The following KCNIP3 variants were observed in gnomAD, a reference collection of about 807,000 sequenced individuals.
The protein encoded by KCNIP3 is potassium voltage-gated channel interacting protein 3, also known as calsenilin.
KCNIP3 carries 28 observed loss-of-function variants against 35.0 expected under a neutral mutation model. The observed-to-expected ratio is 0.80, with a 90% CI of 0.59 to 1.10. The LOEUF (loss-of-function observed/expected upper bound fraction) is 1.10. Among genes scored for constraint, KCNIP3 ranks in the 50% least tolerant of loss-of-function variants. KCNIP3 has a pLI of 0.00. For synonymous variants in KCNIP3, 134 were observed against 133.8 expected, an observed-to-expected ratio of 1.00 and a Z score of -0.01; for missense variants, 295 against 338.4, an observed-to-expected ratio of 0.87 and a Z score of 1.01.
intron 2 of KCNIP3, among the ~76,000 whole-genome samples, chr2:95,323,424 A>AGGGCAGTCAGTGCTCT (rs1678644555): frequency 6.6e-6 from 1 of 152,138 alleles, no homozygotes; most frequent in African/African-American, 2.4e-5. Context: ...GGTGGCAGAG[A>AGGGCAGTCAGTGCTCT]GGGCAGTCAG....
intron 2 of KCNIP3, among the ~76,000 whole-genome samples, chr2:95,326,990 C>T (rs1185349239): frequency 1.3e-5 from 2 of 152,210 alleles, no homozygotes; most frequent in African/African-American, 4.8e-5. Context: ...GACTTGCTCC[C>T]TCTTATCACC....
chr2:95,344,739 G>A (rs1679304939), intron 2 of KCNIP3, among the ~76,000 whole-genome samples: 2 of 152,194 alleles, frequency 1.3e-5, no homozygotes, highest in South Asian at 4.1e-4. Context: ...AGGGTGCATT[G>A]TAGGGGCCAC....
At chr2:95,325,528 T>G (rs988421420) in intron 2 of KCNIP3, among the ~76,000 whole-genome samples, 16 of 152,074 alleles carry the variant, frequency 1.1e-4, no homozygotes, top group African/African-American at 3.6e-4. Flanking sequence ...CCAAAACAGG[T>G]GTCCTGGAGC....
intron 2 of KCNIP3, among the ~76,000 whole-genome samples, chr2:95,359,976 A>C (rs1679751634): frequency 6.6e-6 from 1 of 152,250 alleles, no homozygotes; most frequent in South Asian, 2.1e-4. Flanking sequence ...GCCTGTGATG[A>C]GAGGGGCAGC....
chr2:95,373,579 T>C (rs911111374), intron 2 of KCNIP3, among the ~76,000 whole-genome samples: 6 of 152,018 alleles, frequency 3.9e-5, no homozygotes, highest in Admixed American at 6.6e-5. Flanking sequence ...CCCGCCACCA[T>C]GCCTGGCTAA....
intron 2 of KCNIP3, among the ~76,000 whole-genome samples, chr2:95,346,427 C>A (rs567697680): frequency 6.0e-4 from 90 of 151,216 alleles, no homozygotes; most frequent in African/African-American, 2.1e-3. Flanking sequence ...AGACTCCGTC[C>A]TGGGCTGGCC....
chr2:95,309,836 T>G lies in KCNIP3; in HGVS notation c.16-519T>G, dbSNP rs112158227. ...CAGCCTCAGTGGTCGGTTCCACCAGTGCAGCCCTCCTGGGGTCACCACCCA... is the reference window on the plus strand; with the variant it reads ...CAGCCTCAGTGGTCGGTTCCACCAGGGCAGCCCTCCTGGGGTCACCACCCA... On this transcript the variant is annotated intron_variant, in intron 1 of 8. Transcript: ENST00000295225. 2.6e-3 allele frequency among the ~76,000 whole-genome samples: 402 copies of G among 152,352 alleles called. 1 individual carries two copies. Among genetic ancestry groups the G allele is most frequent in the Middle Eastern group, 6.8e-3 (2 of 294 alleles).
At chr2:95,319,297 C>T (rs1167669299) in intron 2 of KCNIP3, among the ~76,000 whole-genome samples, 3 of 152,174 alleles carry the variant, frequency 2.0e-5, no homozygotes, top group East Asian at 3.9e-4. Flanking sequence ...AGTGGGGACT[C>T]GGAGAGCCCA....
chr2:95,370,652 A>G (rs1680020296), intron 2 of KCNIP3, among the ~76,000 whole-genome samples: 1 of 152,258 alleles, frequency 6.6e-6, no homozygotes, highest in South Asian at 2.1e-4. Flanking sequence ...TCTGGAAATG[A>G]GTCCTTTGTC....
At chr2:95,350,096 A>G (rs1679475526) in intron 2 of KCNIP3, among the ~76,000 whole-genome samples, 2 of 152,168 alleles carry the variant, frequency 1.3e-5, no homozygotes, top group Admixed American at 1.3e-4. Flanking sequence ...TGCGTTCCCA[A>G]AGTGTTCAAA....
intron 1 of KCNIP3, among the ~76,000 whole-genome samples, chr2:95,299,619 G>A (rs1475455306): frequency 6.6e-6 from 1 of 152,234 alleles, no homozygotes. Context: ...TAGGAGAAAG[G>A]AGCGAAAGAC....
intron 2 of KCNIP3, among the ~76,000 whole-genome samples, chr2:95,371,184 T>G (rs1680033891): frequency 6.6e-6 from 1 of 152,260 alleles, no homozygotes; most frequent in Non-Finnish European, 1.5e-5. Context: ...ATGTCATTGC[T>G]TTTACACCTA....
At chr2:95,383,472 C>G (rs1412917177) in intron 8 of KCNIP3, among the ~76,000 whole-genome samples, 178 bp downstream of exon 8, 3 of 152,108 alleles carry the variant, frequency 2.0e-5, no homozygotes, top group African/African-American at 7.2e-5. Context: ...GCCCTCTTGT[C>G]TGAGTCTCCT....
intron 1 of KCNIP3, 46 bp downstream of exon 1, chr2:95,297,499 G>T (rs750150417): frequency 2.7e-6 from 2 of 730,636 alleles, no homozygotes; most frequent in South Asian, 1.5e-5. Context: ...GGGGTCGGGG[G>T]GAGGAATGGA....
intron 2 of KCNIP3, among the ~76,000 whole-genome samples, chr2:95,360,789 G>A (rs1327394416): frequency 1.3e-5 from 2 of 152,204 alleles, no homozygotes; most frequent in Non-Finnish European, 2.9e-5. Context: ...GAGAAAGAGG[G>A]GGCAAAGCCA....
At chr2:95,344,446 C>T (rs542955224) in intron 2 of KCNIP3, among the ~76,000 whole-genome samples, 16 of 152,354 alleles carry the variant, frequency 1.1e-4, no homozygotes, top group African/African-American at 3.1e-4. Flanking sequence ...GCTAATGCCA[C>T]GTGGATACTC....
intron 8 of KCNIP3, 97 bp from the exon 9 acceptor site, chr2:95,383,905 C>G: frequency 2.9e-6 from 3 of 1,018,576 alleles, no homozygotes; most frequent in Non-Finnish European, 4.7e-6. Context: ...GACAGGCAGT[C>G]GCTGCAGGCT....
intron 2 of KCNIP3, among the ~76,000 whole-genome samples, chr2:95,316,356 G>A (rs980019184): frequency 6.6e-6 from 1 of 152,234 alleles, no homozygotes; most frequent in Non-Finnish European, 1.5e-5. Context: ...GCAGCAGCTC[G>A]TCTTTCCCTC....
intron 2 of KCNIP3, among the ~76,000 whole-genome samples, chr2:95,323,648 T>C (rs1352235400): frequency 6.6e-6 from 1 of 152,106 alleles, no homozygotes; most frequent in East Asian, 1.9e-4. Context: ...TCCCACCCCG[T>C]CACAACTTTG....
Sources: allele counts gnomAD v4.1 joint callset (sites outside exome capture counted in the v4.1 genomes callset), GRCh38; gene constraint gnomAD v4.1.1; transcripts MANE v1.5; gene names NCBI Gene and HGNC (gene_info 2026-07-23, HGNC 2026-07-21).